Variants in RNLS observed in about 807,000 individuals in gnomAD.
RNLS encodes the protein renalase, FAD dependent amine oxidase.
In RNLS, 39 loss-of-function variants were observed where a neutral mutation model predicts 39.8. That is an observed-to-expected ratio of 0.98 (90% CI 0.76 to 1.28). The LOEUF (loss-of-function observed/expected upper bound fraction) is 1.28. Ranked by LOEUF, RNLS falls within the 50% of genes most tolerant of loss-of-function variation. The pLI is 0.00. For synonymous variants in RNLS, 147 were observed against 150.7 expected (o/e 0.98, Z 0.18); for missense variants, 410 against 413.3 (o/e 0.99, Z 0.07).
At chr10:88,575,858 C>T (rs912185051) in intron 3 of RNLS, among the ~76,000 whole-genome samples, 19 of 152,140 alleles carry the variant, frequency 1.2e-4, no homozygotes, top group African/African-American at 4.3e-4. Flanking sequence ...CCTGGCCCTG[C>T]CTTAGTCTTG....
At chr10:88,417,023 C>A (rs1043527843) in intron 4 of RNLS, among the ~76,000 whole-genome samples, 2 of 152,220 alleles carry the variant, frequency 1.3e-5, no homozygotes, top group Non-Finnish European at 2.9e-5. Context: ...TTTCTGAATT[C>A]TTTCACAGAT....
chr10:88,197,305 T>G, the RNLS span, among the ~76,000 whole-genome samples: 819 of 152,348 alleles, frequency 5.4e-3, 9 homozygotes, highest in African/African-American at 0.019. Flanking sequence ...AAGACTGTTT[T>G]CTTTTAGCAT....
At chr10:88,238,058 A>G in the RNLS span, among the ~76,000 whole-genome samples, 12 of 152,224 alleles carry the variant, frequency 7.9e-5, no homozygotes, top group Non-Finnish European at 1.3e-4. Context: ...ATGTCTTCCT[A>G]GGAACTTGAG....
chr10:88,576,852 T>A (rs112944464), intron 3 of RNLS, among the ~76,000 whole-genome samples: 3,057 of 152,308 alleles, frequency 0.02, 80 homozygotes, highest in South Asian at 0.085. Context: ...GACAGGTTAC[T>A]TTGCAAATGT....
intron 5 of RNLS, among the ~76,000 whole-genome samples, chr10:88,328,377 T>A (rs996234739): frequency 6.6e-6 from 1 of 152,228 alleles, no homozygotes; most frequent in African/African-American, 2.4e-5. Flanking sequence ...TTGCTTTATA[T>A]CTAAGTTAGG....
At chr10:88,349,831 A>G (rs1464803287) in intron 5 of RNLS, among the ~76,000 whole-genome samples, 1 of 152,022 alleles carries the variant, frequency 6.6e-6, no homozygotes, top group African/African-American at 2.4e-5. Context: ...TTCTATGACA[A>G]CACTAAAATA....
chr10:88,221,582 T>G, the RNLS span, among the ~76,000 whole-genome samples: 1 of 152,256 alleles, frequency 6.6e-6, no homozygotes, highest in Non-Finnish European at 1.5e-5. Flanking sequence ...GTAATTTTCT[T>G]GCTGGTTTTG....
At chr10:88,321,488 A>G (rs1170852753) in intron 5 of RNLS, among the ~76,000 whole-genome samples, 2 of 152,184 alleles carry the variant, frequency 1.3e-5, no homozygotes, top group Non-Finnish European at 2.9e-5. Flanking sequence ...CCAACAAAAT[A>G]TACTAAAGAT....
chr10:88,341,614 TAG>T (rs988009156), intron 5 of RNLS, among the ~76,000 whole-genome samples: 17 of 152,028 alleles, frequency 1.1e-4, no homozygotes, highest in African/African-American at 3.4e-4. Context: ...AACCAAAACA[TAG>T]AGTACATAGA....
chr10:88,502,168 A>T (rs2134112510), intron 4 of RNLS, among the ~76,000 whole-genome samples: 1 of 152,170 alleles, frequency 6.6e-6, no homozygotes, highest in Admixed American at 6.5e-5. Context: ...AGATTTCTTT[A>T]TTCTATCCAA....
chr10:88,320,781 G>A (rs900519298), intron 5 of RNLS, among the ~76,000 whole-genome samples: 1 of 148,588 alleles, frequency 6.7e-6, no homozygotes, highest in African/African-American at 2.5e-5. Context: ...CTCAACATCG[G>A]AGCACCAAGA....
the RNLS span, among the ~76,000 whole-genome samples, chr10:88,231,693 C>G: frequency 6.6e-6 from 1 of 152,160 alleles, no homozygotes; most frequent in African/African-American, 2.4e-5. Flanking sequence ...CCCCTGACCA[C>G]TGGCAAATAA....
the RNLS span, among the ~76,000 whole-genome samples, chr10:88,261,350 G>C: frequency 4.6e-5 from 7 of 152,186 alleles, no homozygotes; most frequent in Non-Finnish European, 1.0e-4. Flanking sequence ...GCTTAGTTAT[G>C]CTGCAGTAAC....
intron 6 of RNLS, chr10:88,275,149 G>T (rs1842766048): frequency 1.3e-6 from 1 of 762,240 alleles, no homozygotes; most frequent in Middle Eastern, 2.4e-4. Context: ...GACCTGGAAT[G>T]GGGAGGGTTC....
intron 4 of RNLS, among the ~76,000 whole-genome samples, chr10:88,504,623 T>C (rs971100754): frequency 1.1e-4 from 16 of 152,082 alleles, no homozygotes; most frequent in African/African-American, 3.9e-4. Context: ...GAAACAATTG[T>C]AATACACTCT....
At chr10:88,299,900 G>A (rs1415103527) in intron 6 of RNLS, among the ~76,000 whole-genome samples, 4 of 152,296 alleles carry the variant, frequency 2.6e-5, no homozygotes, top group Non-Finnish European at 5.9e-5. Flanking sequence ...TGTCAGAACA[G>A]TTGTGAGGAT....
At chr10:88,551,435 G>A (rs983489275) in intron 4 of RNLS, among the ~76,000 whole-genome samples, 4 of 152,078 alleles carry the variant, frequency 2.6e-5, no homozygotes, top group East Asian at 3.9e-4. Flanking sequence ...AGGGAACTTC[G>A]GCCTGTCCAT....
At chr10:88,385,280 G>T (rs1851791443) in intron 4 of RNLS, among the ~76,000 whole-genome samples, 1 of 152,198 alleles carries the variant, frequency 6.6e-6, no homozygotes. Flanking sequence ...AGTACATCCA[G>T]TCAAATTTGA....
the RNLS span, among the ~76,000 whole-genome samples, chr10:88,173,499 C>T: frequency 5.3e-5 from 8 of 152,132 alleles, no homozygotes; most frequent in East Asian, 1.4e-3. Context: ...TTAGGAGTTT[C>T]TTTTTTCTGT....
Sources: allele counts gnomAD v4.1 joint callset (sites outside exome capture counted in the v4.1 genomes callset), GRCh38; gene constraint gnomAD v4.1.1; transcripts MANE v1.5; gene names NCBI Gene and HGNC (gene_info 2026-07-23, HGNC 2026-07-21).